TACC2: variants seen among roughly 807,000 people sequenced by gnomAD.
The protein encoded by TACC2 is transforming acidic coiled-coil-containing protein 2.
A neutral mutation model predicts 227.3 loss-of-function variants in TACC2; 137 were observed. The observed-to-expected ratio is 0.60, with a 90% CI of 0.52 to 0.69. TACC2 has a LOEUF of 0.69. Among genes scored for constraint, TACC2 ranks in the 30% least tolerant of loss-of-function variants. TACC2 has a pLI of 0.00. For missense variants in TACC2, 3,470 were observed against 3,694.4 expected, an observed-to-expected ratio of 0.94 and a Z score of 1.57; for synonymous variants, 1,523 against 1,487.5, an observed-to-expected ratio of 1.02 and a Z score of -0.55.
chr10:122,017,132 C>A (rs1310182656), intron 1 of TACC2, among the ~76,000 whole-genome samples: 1 of 152,130 alleles, frequency 6.6e-6, no homozygotes, highest in Admixed American at 6.5e-5. Flanking sequence ...CCGGAGCTGA[C>A]CAGAGCAGCC....
intron 6 of TACC2, among the ~76,000 whole-genome samples, chr10:122,135,664 G>T (rs577621922): frequency 6.6e-6 from 1 of 152,322 alleles, no homozygotes; most frequent in African/African-American, 2.4e-5. Context: ...ATCCTCGTTG[G>T]CAGATTCCAT....
chr10:122,086,073 G>C lies in TACC2; in HGVS notation c.3573G>C (p.Gln1191His). Residue 1191 changes from glutamine (Q) to histidine (H), a missense_variant, in exon 4 of 23, where the codon CAG (glutamine) becomes CAC (histidine). Gln to His is a conservative substitution (Grantham distance 24, BLOSUM62 0). Coordinates refer to ENST00000369005, the MANE Select transcript of TACC2 (RefSeq NM_206862.4). ...CQAEHPMASCQDALLPARELG... is the reference protein window; with the variant it reads ...CQAEHPMASCHDALLPARELG... The stretch of plus-strand genomic sequence containing the variant: ...CTGAGCACCCCATGGCCAGCTGCCA[G>C]GATGCCTTGCTGCCAGCCAGAGAGC... 1 of 1,613,868 alleles carries C rather than the reference G, an allele frequency of 6.2e-7. No homozygotes were observed. The highest frequency in any genetic ancestry group is 8.5e-7 in the Non-Finnish European group (1 of 1,180,032).
chr10:122,190,891 T>G (rs993171871), intron 7 of TACC2, among the ~76,000 whole-genome samples: 1 of 152,170 alleles, frequency 6.6e-6, no homozygotes, highest in Non-Finnish European at 1.5e-5. Flanking sequence ...TGCTATTACA[T>G]TACATATCGT....
chr10:122,093,892 C>T (rs1175985188), intron 5 of TACC2, among the ~76,000 whole-genome samples: 1 of 152,134 alleles, frequency 6.6e-6, no homozygotes, highest in Admixed American at 6.6e-5. Flanking sequence ...GGAGGCAATG[C>T]CCAAGATCTC....
At position 122,087,874 on chromosome 10, in the gene TACC2, G is replaced by A. The variant is rs778978597; in HGVS notation, c.5374G>A (p.Val1792Met). ...ERPIPAGDGKVCVSSPPEPDE... is the reference protein window; with the variant it reads ...ERPIPAGDGKMCVSSPPEPDE... ...CCCCATTCCAGCTGGGGATGGGAAG[G>A]TGTGCGTCTCCTCACCTCCAGAGCC... Residue 1792 changes from valine (V) to methionine (M), a missense_variant, in exon 4 of 23, where the codon GTG becomes ATG. This residue lies in a region of TACC2 where 1,924 missense variants were observed against 1,978.3 expected (regional missense o/e 0.97). Coordinates refer to ENST00000369005, the MANE Select transcript of TACC2 (RefSeq NM_206862.4). The A allele has an allele frequency of 6.6e-7, 1 of 1,520,618 alleles. No individual in the cohort carries two copies. The allele number at this position is 1,520,618 out of a possible 1,614,324, so 94.2% of individuals were successfully genotyped here.
At chr10:122,126,415 G>A (rs11200419) in intron 5 of TACC2, among the ~76,000 whole-genome samples, 91,847 of 150,696 alleles carry the variant, frequency 0.61, 32,431 homozygotes, top group Non-Finnish European at 0.77. Context: ...GTCCTTTGAC[G>A]CGACTCCCCC....
chr10:122,138,645 G>T (rs1219951847), intron 6 of TACC2, among the ~76,000 whole-genome samples: 3 of 152,220 alleles, frequency 2.0e-5, no homozygotes, highest in Non-Finnish European at 4.4e-5. Flanking sequence ...TGACATTCAT[G>T]AATCAGATTT....
chr10:122,101,045 C>A (rs2082080614), intron 5 of TACC2, among the ~76,000 whole-genome samples: 1 of 152,112 alleles, frequency 6.6e-6, no homozygotes, highest in Non-Finnish European at 1.5e-5. Context: ...CTTTCTGTAG[C>A]CTGACAATAA....
chr10:122,225,690 G>A (rs1167815109), intron 12 of TACC2, among the ~76,000 whole-genome samples: 1 of 152,210 alleles, frequency 6.6e-6, no homozygotes, highest in Admixed American at 6.5e-5. Context: ...ACCACAAGGG[G>A]CCCCTTCCTC....
chr10:122,131,233 C>T (rs182126833), intron 5 of TACC2, among the ~76,000 whole-genome samples: 2 of 150,730 alleles, frequency 1.3e-5, no homozygotes, highest in East Asian at 1.9e-4. Flanking sequence ...TCCCATGAGA[C>T]GTCCCATGAA....
Position 122,085,304 on chromosome 10 carries a change from C to T in TACC2, c.2804C>T (p.Ala935Val), listed in dbSNP as rs2079974643. The T allele has an allele frequency of 3.7e-6, 6 of 1,614,062 alleles. No individual in the cohort carries two copies. The highest frequency in any genetic ancestry group is 3.4e-6 in the Non-Finnish European group (4 of 1,180,032). The change falls in exon 4 of 23, where the codon GCA becomes GTA. Residue 935 changes from alanine (A) to valine (V), a missense_variant. Transcript: ENST00000369005. ...SSLTEESELSAPTRQKLPALG... is the reference protein window; with the variant it reads ...SSLTEESELSVPTRQKLPALG... The stretch of plus-strand genomic sequence containing the variant: ...CTGACAGAAGAGTCAGAATTGTCAG[C>T]ACCAACGAGACAGAAGTTGCCTGCA...
intron 19 of TACC2, among the ~76,000 whole-genome samples, chr10:122,245,927 C>T (rs939552287): frequency 6.6e-6 from 1 of 152,180 alleles, no homozygotes. Context: ...AGAGCTCGAA[C>T]TCAGGCAGTT....
chr10:122,204,189 GA>G (rs2095021461), intron 8 of TACC2, among the ~76,000 whole-genome samples: 1 of 139,794 alleles, frequency 7.2e-6, no homozygotes, highest in Non-Finnish European at 1.5e-5. Context: ...GGGAGAGGGG[GA>G]GGGGGAGGGG....
chr10:122,220,102 G>A (rs1335306073), intron 11 of TACC2, among the ~76,000 whole-genome samples: 2 of 151,742 alleles, frequency 1.3e-5, no homozygotes, highest in Admixed American at 6.6e-5. Context: ...TGATATGTGT[G>A]TGTCTTTAGT....
intron 7 of TACC2, among the ~76,000 whole-genome samples, chr10:122,168,751 A>G (rs1383363991): frequency 1.3e-5 from 2 of 151,634 alleles, no homozygotes; most frequent in African/African-American, 4.9e-5. Flanking sequence ...TCTTCCATCG[A>G]CCCTCCCATT....
At chr10:122,123,148 G>A (rs192419607) in intron 5 of TACC2, among the ~76,000 whole-genome samples, 7 of 152,268 alleles carry the variant, frequency 4.6e-5, no homozygotes, top group African/African-American at 1.7e-4. Context: ...GACCACAGGT[G>A]CACGCCAACA....
chr10:122,015,208 CA>C lies in TACC2; in HGVS notation c.-45-6724del, dbSNP rs1030502608. On this transcript the variant is annotated intron_variant, in intron 1 of 22. Coordinates refer to ENST00000369005, the MANE Select transcript of TACC2 (RefSeq NM_206862.4). The stretch of plus-strand genomic sequence containing the variant: ...GCTTGGCACATTAAAAAAACAAAAA[CA>C]AAAACTCAATGTTGGCCCGGCACGG... Among the ~76,000 whole-genome samples, 3 of 151,658 alleles carry C rather than the reference CA, an allele frequency of 2.0e-5. No homozygotes were observed. In the South Asian group the frequency reaches 6.3e-4, roughly 32 times the overall value.
intron 1 of TACC2, among the ~76,000 whole-genome samples, chr10:122,007,961 G>A (rs972341957): frequency 3.2e-4 from 48 of 152,144 alleles, no homozygotes; most frequent in Non-Finnish European, 2.2e-4. Flanking sequence ...GCCATGTGAT[G>A]CCTCTGACCA....
chr10:122,087,631 C>G lies in TACC2; in HGVS notation c.5131C>G (p.Leu1711Val). The part of the protein sequence containing the change: ...AAGEAEGDIT[L>V]STAETQACAS... Reference sequence around the variant, plus strand: ...TGGGGAAGCAGAGGGTGACATCACCCTGAGCACAGCTGAGACACAGGCATG... The same window carrying G: ...TGGGGAAGCAGAGGGTGACATCACCGTGAGCACAGCTGAGACACAGGCATG... Residue 1711 changes from leucine to valine, a missense_variant, in exon 4 of 23, where the codon CTG becomes GTG. By Grantham distance (32) the Leu-to-Val change is conservative. Coordinates refer to ENST00000369005, the MANE Select transcript of TACC2 (RefSeq NM_206862.4). 2 of 1,613,472 alleles carry G rather than the reference C, an allele frequency of 1.2e-6. No individual in the cohort carries two copies. Among genetic ancestry groups the G allele is most frequent in the Non-Finnish European group, 1.7e-6 (2 of 1,180,012 alleles).
Sources: allele counts gnomAD v4.1 joint callset (sites outside exome capture counted in the v4.1 genomes callset), GRCh38; gene constraint gnomAD v4.1.1; regional missense constraint gnomAD v4.1.1; transcripts MANE v1.5; gene names NCBI Gene and HGNC (gene_info 2026-07-23, HGNC 2026-07-21).